The following ZKSCAN1 variants were observed in gnomAD, a reference collection of about 807,000 sequenced individuals.
ZKSCAN1 encodes zinc finger with KRAB and SCAN domains 1.
ZKSCAN1 carries 14 observed loss-of-function variants against 51.6 expected under a neutral mutation model. The ratio of observed to expected loss-of-function variants is 0.27; its 90% CI spans 0.18 to 0.42. The LOEUF (loss-of-function observed/expected upper bound fraction) is 0.42. Among genes scored for constraint, ZKSCAN1 ranks in the 10% least tolerant of loss-of-function variants. ZKSCAN1 has a pLI of 1.00. For synonymous variants in ZKSCAN1, 263 were observed against 261.5 expected (o/e 1.01, Z -0.06); for missense variants, 531 against 710.0 (o/e 0.75, Z 2.86).
chr7:100,033,818 G>T lies in ZKSCAN1; in HGVS notation c.1313G>T (p.Cys438Phe). 6.2e-7 allele frequency: 1 copy of T among 1,614,230 alleles called. No homozygotes were observed. The highest frequency in any genetic ancestry group is 8.5e-7 in the Non-Finnish European group (1 of 1,180,048). Residue 438 changes from cysteine (C) to phenylalanine (F), a missense_variant, in exon 6 of 6, where the codon TGT becomes TTT. Cys to Phe is a radical substitution (Grantham distance 205). Around this residue, in one of 2 missense-constraint regions of ZKSCAN1, gnomAD observed 128 missense variants for 219.5 expected, o/e 0.58. Coordinates refer to ENST00000324306, the MANE Select transcript of ZKSCAN1 (RefSeq NM_003439.4). This position sits in a 1 kb window ranked among gnomAD's most constrained non-coding sequence, Gnocchi z 4.1. ...GAGAAACCTCATGAATGTAACGAGT[G>T]TGGCAAGGCCTTCAGCCACAGTTCC... ...TGEKPHECNE[C>F]GKAFSHSSNL...
chr7:100,032,678 T>C (rs1791158442), intron 5 of ZKSCAN1, among the ~76,000 whole-genome samples: 1 of 152,062 alleles, frequency 6.6e-6, no homozygotes, highest in Admixed American at 6.5e-5. Context: ...CTGGCCAACA[T>C]GGTGAAACCC....
At chr7:100,024,924 T>G (rs1279395556) in intron 3 of ZKSCAN1, 2 of 138,112 alleles carry the variant, frequency 1.4e-5, no homozygotes, top group Admixed American at 1.4e-4. Context: ...AAAAAAGAAT[T>G]AATTAAAAAT....
Position 100,023,677 on chromosome 7 carries a change from A to G in ZKSCAN1, c.171A>G (p.Gln57=), listed in dbSNP as rs200738198. The change falls in exon 2 of 6, where the codon CAA becomes CAG. Residue 57 remains glutamine (Q), a synonymous_variant. Coordinates refer to ENST00000324306, the MANE Select transcript of ZKSCAN1 (RefSeq NM_003439.4). Reference sequence around the variant, plus strand: ...CTCCAGACCCAGAGATATTCCGCCAACGCTTCAGGCGCTTCTGTTACCAGA... The same window carrying G: ...CTCCAGACCCAGAGATATTCCGCCAGCGCTTCAGGCGCTTCTGTTACCAGA... ...TPPPDPEIFR[Q]RFRRFCYQNT... The G allele has an allele frequency of 1.5e-5, 24 of 1,614,194 alleles. No individual in the cohort carries two copies. The highest frequency in any genetic ancestry group is 5.3e-5 in the African/African-American group (4 of 75,048).
In ZKSCAN1 at chr7:100,030,129, AC is replaced by A; in HGVS notation, c.673-117del. 3 of 1,493,658 alleles carry A rather than the reference AC, an allele frequency of 2.0e-6. No individual in the cohort carries two copies. The South Asian group carries it at 3.8e-5, about 19-fold the overall frequency. The allele number at this position is 1,493,658 out of a possible 1,614,324, so 92.5% of individuals were successfully genotyped here. On this transcript the variant is annotated intron_variant, in intron 4 of 5. Transcript: ENST00000324306. Reference sequence around the variant, plus strand: ...TCCCCTCCACCCCCAGGTTCTGGCCACCCTTTTCTTCCCAGCGTCCTGTAGC... The same window carrying A: ...TCCCCTCCACCCCCAGGTTCTGGCCACCTTTTCTTCCCAGCGTCCTGTAGC...
chr7:100,032,719 C>T (rs2897075), intron 5 of ZKSCAN1, among the ~76,000 whole-genome samples: 48,622 of 151,870 alleles, frequency 0.32, 8,960 homozygotes, highest in Middle Eastern at 0.48. Flanking sequence ...AAAAGTTACC[C>T]GGGCGTAGGC....
At chr7:100,044,763 T>C, downstream of ZKSCAN1, 1 of 984,904 alleles carries the variant, frequency 1.0e-6, no homozygotes, top group South Asian at 4.7e-5. Flanking sequence ...TTTCATTCTC[T>C]TTTCCTTTCA....
chr7:100,024,171 T>C lies in ZKSCAN1; in HGVS notation c.444T>C (p.His148=), dbSNP rs145281775. Residue 148 remains histidine, a synonymous_variant, in exon 3 of 6, where the codon CAT becomes CAC. Coordinates refer to ENST00000324306, the MANE Select transcript of ZKSCAN1 (RefSeq NM_003439.4). ...LSGQQVPGQV[H]GPEMLARGMV... is the part of the protein sequence containing the mutation. ...GTCTTCAGGTCCCAGGTCAAGTTCA[T>C]GGACCTGAGATGCTCGCAAGGGGGA... 1.6e-4 allele frequency: 255 copies of C among 1,612,936 alleles called. 2 individuals carry two copies. The highest frequency in any genetic ancestry group is 3.9e-4 in the South Asian group (35 of 90,882).
chr7:100,041,304 G>C lies in ZKSCAN1; in HGVS notation c.*7107G>C, dbSNP rs1428433002. 9.1e-6 allele frequency: 9 copies of C among 984,894 alleles called. No individual in the cohort carries two copies. The highest frequency in any genetic ancestry group is 9.6e-6 in the Non-Finnish European group (8 of 829,624). The allele number at this position is 984,894 out of a possible 1,614,324, so 61.0% of individuals were successfully genotyped here. On this transcript the variant is annotated 3_prime_UTR_variant, in exon 6 of 6. Coordinates refer to ENST00000324306, the MANE Select transcript of ZKSCAN1 (RefSeq NM_003439.4). ...AGGTTCCGAAGAGTCCAGATGCTTG[G>C]TAGATGTTCAATACGTGATTTTTTT... is the stretch of plus-strand genomic sequence containing the variant.
Position 100,041,095 on chromosome 7 carries a change from A to G in ZKSCAN1, c.*6898A>G, listed in dbSNP as rs528615801. ...GAGGTCAGCATAAGCCTAAATCTAT[A>G]TAGAGGGCTAACTCAGGCATTGTCT... On this transcript the variant is annotated 3_prime_UTR_variant, in exon 6 of 6. Transcript: ENST00000324306. 2.1e-5 allele frequency: 19 copies of G among 900,108 alleles called. No individual in the cohort carries two copies. Among genetic ancestry groups the G allele is most frequent in the South Asian group, 1.5e-4 (3 of 19,588 alleles). The allele number at this position is 900,108 out of a possible 1,614,324, so 55.8% of individuals were successfully genotyped here.
In ZKSCAN1 at chr7:100,036,323, G is replaced by A. The variant is rs1791359624; in HGVS notation, c.*2126G>A. On this transcript the variant is annotated 3_prime_UTR_variant, in exon 6 of 6. Coordinates refer to ENST00000324306, the MANE Select transcript of ZKSCAN1 (RefSeq NM_003439.4). ...AAGAGTATATCTAAGTAACTAAAAT[G>A]GAGGCAGAAAATGTTTTAAGGATTT... 3 of 985,446 alleles carry A rather than the reference G, an allele frequency of 3.0e-6. No individual in the cohort carries two copies. Among genetic ancestry groups the A allele is most frequent in the African/African-American group, 3.5e-5 (2 of 57,380 alleles). 61.0% of individuals were successfully genotyped at this position (985,446 alleles called of 1,614,324 possible).
Position 100,039,167 on chromosome 7 carries a change from C to T in ZKSCAN1, c.*4970C>T. The T allele has an allele frequency of 1.2e-5, 3 of 241,904 alleles. No individual in the cohort carries two copies. Among genetic ancestry groups the T allele is most frequent in the East Asian group, 1.8e-4 (1 of 5,454 alleles). 15.0% of individuals were successfully genotyped at this position (241,904 alleles called of 1,614,324 possible). A position where few individuals can be genotyped will look rare whatever the true frequency, so the allele number is the denominator to read the frequency against. ...TCTCTACTAAAAATACAAAAATTAG[C>T]CGGGCGTGGTGGTGGGCGCCTGTAG... On this transcript the variant is annotated 3_prime_UTR_variant, in exon 6 of 6. Transcript: ENST00000324306.
downstream of ZKSCAN1, among the ~76,000 whole-genome samples, chr7:100,041,873 C>A (rs540147350): frequency 6.6e-6 from 1 of 152,126 alleles, no homozygotes; most frequent in Admixed American, 6.6e-5. Context: ...CAAAGGCCAC[C>A]CAGTCACCTG....
Position 100,040,400 on chromosome 7 carries a change from G to A in ZKSCAN1, c.*6203G>A. 4 of 985,444 alleles carry A rather than the reference G, an allele frequency of 4.1e-6. No individual in the cohort carries two copies. Among genetic ancestry groups the A allele is most frequent in the Non-Finnish European group, 4.8e-6 (4 of 829,930 alleles). The allele number at this position is 985,444 out of a possible 1,614,324, so 61.0% of individuals were successfully genotyped here. The stretch of plus-strand genomic sequence containing the variant: ...CTTAATTCAAATTGCACAGTAATCA[G>A]TAAAGTGAATACGTTTTTAAAATGG... On this transcript the variant is annotated 3_prime_UTR_variant, in exon 6 of 6. Coordinates refer to ENST00000324306, the MANE Select transcript of ZKSCAN1 (RefSeq NM_003439.4).
rs1274289555 is a variant in ZKSCAN1, at chr7:100,037,756, G to A, written c.*3559G>A. On this transcript the variant is annotated 3_prime_UTR_variant, in exon 6 of 6. Transcript: ENST00000324306. ...ATCTTGGCCGGGCGCCGTGGCTCACGCCTGTAATCGCAGCACTTTGGGAGG... is the reference window on the plus strand; with the variant it reads ...ATCTTGGCCGGGCGCCGTGGCTCACACCTGTAATCGCAGCACTTTGGGAGG... The A allele has an allele frequency of 3.1e-6, 3 of 981,208 alleles. No homozygotes were observed. The highest frequency in any genetic ancestry group is 4.7e-5 in the South Asian group (1 of 21,192). The allele number at this position is 981,208 out of a possible 1,614,324, so 60.8% of individuals were successfully genotyped here.
rs1791509595 is a variant in ZKSCAN1, at chr7:100,039,580, A to G, written c.*5383A>G. On this transcript the variant is annotated 3_prime_UTR_variant, in exon 6 of 6. Coordinates refer to ENST00000324306, the MANE Select transcript of ZKSCAN1 (RefSeq NM_003439.4). The stretch of plus-strand genomic sequence containing the variant: ...AGAATCTTTTTTTAATTTTTATCCT[A>G]GAGTCAGTCACTTTTATTCCAGGTA... 1.0e-5 allele frequency: 10 copies of G among 985,322 alleles called. No individual in the cohort carries two copies. In the South Asian group the frequency reaches 1.9e-4, roughly 19 times the overall value. The allele number at this position is 985,322 out of a possible 1,614,324, so 61.0% of individuals were successfully genotyped here.
intron 1 of ZKSCAN1, among the ~76,000 whole-genome samples, chr7:100,017,839 GAGACTAGA>G (rs1370707861): frequency 6.6e-6 from 1 of 152,172 alleles, no homozygotes; most frequent in Non-Finnish European, 1.5e-5. Flanking sequence ...TTACTTGTGG[GAGACTAGA>G]ATTCAGTTAT....
In ZKSCAN1 at chr7:100,030,285, A is replaced by G; in HGVS notation, c.709A>G (p.Ile237Val). 3 of 1,614,158 alleles carry G rather than the reference A, an allele frequency of 1.9e-6. No individual in the cohort carries two copies. Among genetic ancestry groups the G allele is most frequent in the Non-Finnish European group, 2.5e-6 (3 of 1,180,026 alleles). Residue 237 changes from isoleucine (I) to valine (V), a missense_variant, in exon 5 of 6, where the codon ATT (isoleucine) becomes GTT (valine). Around this residue, in one of 2 missense-constraint regions of ZKSCAN1, gnomAD observed 403 missense variants for 490.5 expected, o/e 0.82. Coordinates refer to ENST00000324306, the MANE Select transcript of ZKSCAN1 (RefSeq NM_003439.4). ...VKIEDMAVSL[I>V]LEEWGCQNLA... ...GATCGAGGACATGGCTGTGTCCCTC[A>G]TTCTGGAGGAATGGGGATGTCAGAA...
downstream of ZKSCAN1, among the ~76,000 whole-genome samples, chr7:100,044,389 C>T (rs560752949): frequency 4.1e-4 from 62 of 151,990 alleles, no homozygotes; most frequent in South Asian, 0.012. Context: ...AGCACTGAGC[C>T]GGGCATGGTG....
At position 100,034,389 on chromosome 7, in the gene ZKSCAN1, GCCC is replaced by G; in HGVS notation, c.*194_*196del. 1 of 1,326,412 alleles carries G rather than the reference GCCC, an allele frequency of 7.5e-7. No individual in the cohort carries two copies. Among genetic ancestry groups the G allele is most frequent in the Non-Finnish European group, 9.6e-7 (1 of 1,044,912 alleles). 82.2% of individuals were successfully genotyped at this position (1,326,412 alleles called of 1,614,324 possible). On this transcript the variant is annotated 3_prime_UTR_variant, in exon 6 of 6. Transcript: ENST00000324306. ...GTTGGGCATATAATCCTTCCACACAGCCCCTGCAGGGAAAGGCTAATCTTACGG... is the reference window on the plus strand; with the variant it reads ...GTTGGGCATATAATCCTTCCACACAGCTGCAGGGAAAGGCTAATCTTACGG...
Sources: allele counts gnomAD v4.1 joint callset (sites outside exome capture counted in the v4.1 genomes callset), GRCh38; gene constraint gnomAD v4.1.1; regional missense constraint gnomAD v4.1.1; non-coding constraint Gnocchi (gnomAD v3.1); transcripts MANE v1.5; gene names NCBI Gene and HGNC (gene_info 2026-07-23, HGNC 2026-07-21).